The following ERC2 variants were observed in gnomAD, a reference collection of about 807,000 sequenced individuals.
ERC2 encodes the protein ELKS/RAB6-interacting/CAST family member 2, also known as ERC protein 2.
ERC2 carries 42 observed loss-of-function variants against 114.8 expected under a neutral mutation model. The ratio of observed to expected loss-of-function variants is 0.37; its 90% confidence interval spans 0.29 to 0.47. ERC2 has a LOEUF of 0.47. Ranked by LOEUF, ERC2 falls within the 20% of genes least tolerant of loss-of-function variation. ERC2 has a pLI of 0.99. For synonymous variants in ERC2, 454 were observed against 425.5 expected, an observed-to-expected ratio of 1.07 and a Z score of -0.82; for missense variants, 939 against 1,150.7, an observed-to-expected ratio of 0.82 and a Z score of 2.66.
chr3:56,126,025 A>G (rs954298397), intron 6 of ERC2, among the ~76,000 whole-genome samples: 1 of 152,226 alleles, frequency 6.6e-6, no homozygotes, highest in Non-Finnish European at 1.5e-5. Flanking sequence ...CTCAACTTCA[A>G]CAAGTATCCA....
chr3:55,586,942 C>T (rs531571206), intron 17 of ERC2, among the ~76,000 whole-genome samples: 1 of 152,180 alleles, frequency 6.6e-6, no homozygotes. Context: ...TCCTCCCACT[C>T]ATCCCTGTTT....
At chr3:55,846,693 T>TCTTTC (rs1553702627) in intron 14 of ERC2, among the ~76,000 whole-genome samples, 4 of 142,820 alleles carry the variant, frequency 2.8e-5, no homozygotes, top group African/African-American at 7.9e-5. Context: ...CTCTCTCTCT[T>TCTTTC]TCTCTCTCTC....
chr3:56,222,525 T>C (rs988867223), intron 3 of ERC2, among the ~76,000 whole-genome samples: 2 of 152,142 alleles, frequency 1.3e-5, no homozygotes, highest in African/African-American at 4.8e-5. Flanking sequence ...TCTGACTGTT[T>C]AAAATAAGCT....
chr3:56,104,135 G>A (rs2078515874), intron 6 of ERC2, among the ~76,000 whole-genome samples: 1 of 152,004 alleles, frequency 6.6e-6, no homozygotes, highest in Non-Finnish European at 1.5e-5. Flanking sequence ...TGTTACTACA[G>A]ACTGCTATGT....
chr3:55,749,998 G>A (rs2066581696), intron 14 of ERC2, among the ~76,000 whole-genome samples: 1 of 152,148 alleles, frequency 6.6e-6, no homozygotes, highest in Non-Finnish European at 1.5e-5. Flanking sequence ...AAGGATGACT[G>A]CATACCTATA....
chr3:55,668,067 T>C (rs2061422516), intron 17 of ERC2, among the ~76,000 whole-genome samples: 1 of 152,066 alleles, frequency 6.6e-6, no homozygotes, highest in South Asian at 2.1e-4. Flanking sequence ...GAATGCATAA[T>C]AAATTATATA....
chr3:55,840,484 G>C (rs78065120), intron 14 of ERC2, among the ~76,000 whole-genome samples: 12 of 151,830 alleles, frequency 7.9e-5, no homozygotes, highest in African/African-American at 2.9e-4. Flanking sequence ...ACCATACCAA[G>C]TGTTGGTTAA....
At chr3:55,886,992 T>C (rs1287309477) in intron 14 of ERC2, among the ~76,000 whole-genome samples, 1 of 152,240 alleles carries the variant, frequency 6.6e-6, no homozygotes, top group East Asian at 1.9e-4. Context: ...ACCTCCCATG[T>C]GCCCAGCACT....
At chr3:55,781,786 C>A (rs1236151330) in intron 14 of ERC2, among the ~76,000 whole-genome samples, 1 of 150,178 alleles carries the variant, frequency 6.7e-6, no homozygotes, top group Non-Finnish European at 1.5e-5. Context: ...GCAGGAGAAT[C>A]GATTGAACCC....
chr3:56,374,103 T>C (rs917811155), intron 2 of ERC2, among the ~76,000 whole-genome samples: 1 of 152,108 alleles, frequency 6.6e-6, no homozygotes, highest in African/African-American at 2.4e-5. Context: ...GTTTGTTTGT[T>C]TGTTTGTTTT....
intron 14 of ERC2, among the ~76,000 whole-genome samples, chr3:55,807,776 A>G (rs2059547310): frequency 6.6e-6 from 1 of 152,200 alleles, no homozygotes; most frequent in Non-Finnish European, 1.5e-5. Context: ...AAAGAAGTAA[A>G]TATATGCTTT....
chr3:55,642,640 T>G (rs2060235979), intron 17 of ERC2, among the ~76,000 whole-genome samples: 1 of 152,152 alleles, frequency 6.6e-6, no homozygotes, highest in Non-Finnish European at 1.5e-5. Context: ...GATCGCAGCT[T>G]TAATTGACCA....
At chr3:56,340,676 C>T (rs910443562) in intron 2 of ERC2, among the ~76,000 whole-genome samples, 2 of 151,798 alleles carry the variant, frequency 1.3e-5, no homozygotes, top group African/African-American at 4.8e-5. Flanking sequence ...TGACAATTGC[C>T]CACAAGGTGG....
In ERC2 at chr3:56,146,123, C is replaced by T. The variant is rs113466721; in HGVS notation, c.1305+2854G>A. On this transcript the variant is annotated intron_variant, in intron 5 of 17. Coordinates refer to ENST00000288221, the MANE Select transcript of ERC2 (RefSeq NM_015576.3). ...CCAACATGGTGAAACCCCATCTCTACCAAAAAAATACAAAAAATAGCTGGC... is the reference window on the plus strand; with the variant it reads ...CCAACATGGTGAAACCCCATCTCTATCAAAAAAATACAAAAAATAGCTGGC... 2.5e-3 allele frequency among the ~76,000 whole-genome samples: 377 copies of T among 151,868 alleles called. 1 individual carries two copies. Among genetic ancestry groups the T allele is most frequent in the African/African-American group, 8.8e-3 (363 of 41,410 alleles).
chr3:56,286,136 G>A (rs779392902), intron 3 of ERC2, among the ~76,000 whole-genome samples: 9 of 152,210 alleles, frequency 5.9e-5, no homozygotes, highest in Admixed American at 2.6e-4. Flanking sequence ...ATAGGTGGCC[G>A]GGCGCGGTGG....
intron 17 of ERC2, among the ~76,000 whole-genome samples, chr3:55,587,278 C>T (rs567855888): frequency 3.9e-5 from 6 of 152,246 alleles, no homozygotes; most frequent in South Asian, 2.1e-4. Context: ...CTCAGCCTCC[C>T]GAGTACCTGA....
chr3:56,467,745 T>A (rs2063614434), intron 1 of ERC2, among the ~76,000 whole-genome samples: 1 of 151,514 alleles, frequency 6.6e-6, no homozygotes, highest in South Asian at 2.1e-4. Flanking sequence ...AAAAATATGC[T>A]CCCCTCTGAA....
chr3:56,120,515 G>A (rs1045095041), intron 6 of ERC2, among the ~76,000 whole-genome samples: 4 of 152,136 alleles, frequency 2.6e-5, no homozygotes, highest in South Asian at 2.1e-4. Flanking sequence ...AAGCCAAAAT[G>A]AAACTATTGA....
chr3:56,408,229 T>C (rs1576810005), intron 2 of ERC2, among the ~76,000 whole-genome samples: 1 of 152,164 alleles, frequency 6.6e-6, no homozygotes, highest in Admixed American at 6.5e-5. Flanking sequence ...GTTGCCTTCC[T>C]CCGTGCTGGG....
Sources: gnomAD v4.1 joint callset for allele counts (sites outside exome capture counted in the v4.1 genomes callset) on GRCh38, gnomAD v4.1.1 for gene constraint, MANE v1.5 for transcripts, NCBI Gene and HGNC (gene_info 2026-07-23, HGNC 2026-07-21) for gene names.